Variants in TBCD observed in about 807,000 individuals in gnomAD.
TBCD encodes the protein tubulin-specific chaperone D.
TBCD carries 105 observed loss-of-function variants against 169.3 expected under a neutral mutation model. The ratio of observed to expected loss-of-function variants is 0.62; its 90% CI spans 0.53 to 0.73. The LOEUF (loss-of-function observed/expected upper bound fraction) is 0.73. Among genes scored for constraint, TBCD ranks in the 30% least tolerant of loss-of-function variants. The pLI is 0.00. For missense variants in TBCD, 1,444 were observed against 1,600.1 expected (o/e 0.90, Z 1.66); for synonymous variants, 700 against 643.9 (o/e 1.09, Z -1.32).
intron 6 of TBCD, among the ~76,000 whole-genome samples, chr17:82,772,927 C>A (rs142969346): frequency 3.9e-5 from 6 of 152,254 alleles, no homozygotes; most frequent in South Asian, 4.1e-4. Context: ...AACTGCACCC[C>A]CCGTGTGCCC....
At position 82,795,393 on chromosome 17, in the gene TBCD, G is replaced by A. The variant is rs988085002; in HGVS notation, c.772-2364G>A. 15 of 248,374 alleles carry A rather than the reference G, an allele frequency of 6.0e-5. No homozygotes were observed. In the South Asian group the frequency reaches 1.2e-3, roughly 20 times the overall value. The allele number at this position is 248,374 out of a possible 1,614,324, so 15.4% of individuals were successfully genotyped here. ...CTGTTGCTGAGAGAGGTCATTTCCC[G>A]GATCTTTGTCCTGCGTCCGCCCACA... is the stretch of plus-strand genomic sequence containing the variant. On this transcript the variant is annotated intron_variant, in intron 7 of 38. Coordinates refer to ENST00000355528, the MANE Select transcript of TBCD (RefSeq NM_005993.5).
rs117182308 is a variant in TBCD, at chr17:82,899,179, C to T, written c.1650-1472C>T. Among the ~76,000 whole-genome samples the T allele has an allele frequency of 6.9e-3, 860 of 124,924 alleles. 6 individuals carry two copies. The highest frequency in any genetic ancestry group is 0.021 in the South Asian group (87 of 4,094). The allele number at this position is 124,924 out of a possible 152,430, so 82.0% of individuals were successfully genotyped here. A position where few individuals can be genotyped will look rare whatever the true frequency, so the allele number is the denominator to read the frequency against. On this transcript the variant is annotated intron_variant, in intron 17 of 38. Transcript: ENST00000355528. ...AGCGTGTCCGCAGTGCGCGCGTCCTCGGCTCGTGTCCTCAGCGCGTGTCCG... is the reference window on the plus strand; with the variant it reads ...AGCGTGTCCGCAGTGCGCGCGTCCTTGGCTCGTGTCCTCAGCGCGTGTCCG...
chr17:82,811,330 C>T (rs1401963888), intron 12 of TBCD, among the ~76,000 whole-genome samples: 1 of 152,264 alleles, frequency 6.6e-6, no homozygotes, highest in African/African-American at 2.4e-5. Flanking sequence ...TGTGTCTTTC[C>T]CTCCACAACG....
At chr17:82,855,302 T>G (rs1035870554) in intron 13 of TBCD, among the ~76,000 whole-genome samples, 1 of 135,928 alleles carries the variant, frequency 7.4e-6, no homozygotes, top group Non-Finnish European at 1.5e-5. Flanking sequence ...ACTCTGTTGC[T>G]CACGCTGGAG....
chr17:82,804,369 C>G (rs369541474), intron 9 of TBCD, among the ~76,000 whole-genome samples: 1 of 152,204 alleles, frequency 6.6e-6, no homozygotes, highest in African/African-American at 2.4e-5. Flanking sequence ...CGTGGCTCAG[C>G]TGGGTCCCTG....
chr17:82,806,084 A>G lies in TBCD; in HGVS notation c.1087+73A>G, dbSNP rs562185621. 6.6e-5 allele frequency: 104 copies of G among 1,568,140 alleles called. No individual in the cohort carries two copies. The African/African-American group carries it at 1.2e-3, about 19-fold the overall frequency. On this transcript the variant is annotated intron_variant, in intron 10 of 38. Transcript: ENST00000355528. The surrounding 1 kb of genome is among the most constrained non-coding windows in gnomAD (Gnocchi z 5.1). ...CAATTCCCCTCTACTCCAGGACCAC[A>G]CTTCCTTCTTCCTTGCTGGTGCCGG...
chr17:82,863,284 G>C (rs2056915054), intron 13 of TBCD, among the ~76,000 whole-genome samples: 1 of 152,156 alleles, frequency 6.6e-6, no homozygotes, highest in East Asian at 1.9e-4. Context: ...TTTCTTCCCA[G>C]GGCTTTGGCC....
In TBCD at chr17:82,900,677, A is replaced by T. The variant is rs761241400; in HGVS notation, c.1676A>T (p.Tyr559Phe). The T allele has an allele frequency of 1.9e-6, 3 of 1,613,856 alleles. No homozygotes were observed. The highest frequency in any genetic ancestry group is 2.2e-5 in the South Asian group (2 of 91,084). ...GTGTTTATTGCCGGCTTTCCTGAGT[A>T]CACGCAGCCAATGATAGACCACCTG... ...ISVFIAGFPE[Y>F]TQPMIDHLVT... The change falls in exon 18 of 39, where the codon TAC becomes TTC. Residue 559 changes from tyrosine to phenylalanine, a missense_variant. Tyr to Phe is a conservative substitution (Grantham distance 22). Transcript: ENST00000355528.
At chr17:82,818,687 C>T (rs889939607) in intron 13 of TBCD, among the ~76,000 whole-genome samples, 1 of 152,264 alleles carries the variant, frequency 6.6e-6, no homozygotes, top group Non-Finnish European at 1.5e-5. Context: ...AGCCCTTCGG[C>T]CTCCTCCATG....
intron 23 of TBCD, among the ~76,000 whole-genome samples, chr17:82,917,019 C>CTTTTTTTTTTTTTTTTTTTTTTTTTTTTT (rs59331670): frequency 9.2e-6 from 1 of 108,518 alleles, no homozygotes; most frequent in Non-Finnish European, 1.8e-5. Flanking sequence ...TTTTTCTTTT[C>CTTTTTTTTTTTTTTTTTTTTTTTTTTTTT]TTTTCTTTTT....
chr17:82,888,736 T>G (rs1318715496), intron 15 of TBCD, among the ~76,000 whole-genome samples: 1 of 152,176 alleles, frequency 6.6e-6, no homozygotes, highest in East Asian at 1.9e-4. Context: ...TTCGGCTCCT[T>G]ACTTGGTGCC....
intron 13 of TBCD, among the ~76,000 whole-genome samples, chr17:82,818,704 G>T (rs554871321): frequency 3.3e-5 from 5 of 152,214 alleles, no homozygotes; most frequent in African/African-American, 1.2e-4. Context: ...CATGTCACAC[G>T]GCTGAGCTGT....
intron 23 of TBCD, among the ~76,000 whole-genome samples, chr17:82,914,632 G>T (rs564032002): frequency 7.2e-5 from 11 of 152,296 alleles, no homozygotes; most frequent in African/African-American, 2.6e-4. Flanking sequence ...GCCCTCCCTG[G>T]GGGCCCCTTG....
chr17:82,830,805 G>T, intron 13 of TBCD: 1 of 1,613,546 alleles, frequency 6.2e-7, no homozygotes, highest in Non-Finnish European at 8.5e-7. Context: ...CGTCCGGACT[G>T]GAAGGCGCGG....
intron 14 of TBCD, among the ~76,000 whole-genome samples, chr17:82,878,777 G>T (rs1449623337): frequency 6.6e-6 from 1 of 152,182 alleles, no homozygotes; most frequent in Non-Finnish European, 1.5e-5. Flanking sequence ...AGACCTTGTT[G>T]TGTGGTCTGG....
At chr17:82,873,807 G>A (rs889564107) in intron 14 of TBCD, among the ~76,000 whole-genome samples, 4 of 152,182 alleles carry the variant, frequency 2.6e-5, no homozygotes, top group African/African-American at 9.7e-5. Flanking sequence ...TCGGTGGCCT[G>A]CTCGCTTATT....
rs776384878 is a variant in TBCD at position 82,831,190 on chromosome 17, T to C, written c.1318+16256T>C. 1.2e-6 allele frequency: 2 copies of C among 1,614,174 alleles called. No homozygotes were observed. The highest frequency in any genetic ancestry group is 3.3e-5 in the Admixed American group (2 of 60,022). On this transcript the variant is annotated intron_variant, in intron 13 of 38. Transcript: ENST00000355528. The surrounding 1 kb of genome is among the most constrained non-coding windows in gnomAD (Gnocchi z 4.6). The stretch of plus-strand genomic sequence containing the variant: ...CAGGCCTTCGCAGGTCTGGCTCGTC[T>C]GCATGAAGTCGGTGGGGCTCGGCCT...
At chr17:82,886,023 C>T (rs956920263) in intron 15 of TBCD, 1 of 152,226 alleles carries the variant, frequency 6.6e-6, no homozygotes, top group East Asian at 1.9e-4. Flanking sequence ...TGGGTGAGGT[C>T]ACCCCTGTGA....
chr17:82,909,775 G>A (rs1370994811), intron 22 of TBCD, among the ~76,000 whole-genome samples: 1 of 152,226 alleles, frequency 6.6e-6, no homozygotes. Context: ...GTGTCATCGC[G>A]TTTCCTCGTT....
Sources: gnomAD v4.1 joint callset for allele counts (sites outside exome capture counted in the v4.1 genomes callset) on GRCh38, gnomAD v4.1.1 for gene constraint, Gnocchi (gnomAD v3.1) non-coding constraint, MANE v1.5 for transcripts, NCBI Gene and HGNC (gene_info 2026-07-23, HGNC 2026-07-21) for gene names.